STOX2: variants seen among roughly 807,000 people sequenced by gnomAD.
The protein encoded by STOX2 is storkhead-box protein 2.
Under a neutral mutation model 60.9 loss-of-function variants are expected in STOX2, and 28 were observed. The observed-to-expected ratio is 0.46, with a 90% CI of 0.34 to 0.63. STOX2 has a LOEUF of 0.63. Ranked by LOEUF, STOX2 falls within the 30% of genes least tolerant of loss-of-function variation. STOX2 has a pLI of 0.01. For synonymous variants in STOX2, 472 were observed against 463.9 expected (o/e 1.02, Z -0.22); for missense variants, 1,024 against 1,187.7 (o/e 0.86, Z 2.03).
At chr4:184,002,458 C>T (rs959568456) in intron 2 of STOX2, among the ~76,000 whole-genome samples, 1 of 152,210 alleles carries the variant, frequency 6.6e-6, no homozygotes, top group Non-Finnish European at 1.5e-5. Flanking sequence ...AACTACAGAA[C>T]ATCAAAGGCC....
intron 1 of STOX2, among the ~76,000 whole-genome samples, chr4:183,843,246 C>A (rs1261603416): frequency 6.6e-6 from 1 of 151,870 alleles, no homozygotes; most frequent in Non-Finnish European, 1.5e-5. Context: ...AGCAGAATGA[C>A]TCTTTTTGGG....
At chr4:183,859,633 C>T (rs1334956747) in intron 1 of STOX2, among the ~76,000 whole-genome samples, 2 of 152,334 alleles carry the variant, frequency 1.3e-5, no homozygotes, top group East Asian at 1.9e-4. Flanking sequence ...TTTGATGAGA[C>T]AAAGCAAATG....
At chr4:183,955,456 C>G (rs1467835610) in intron 1 of STOX2, among the ~76,000 whole-genome samples, 2 of 152,226 alleles carry the variant, frequency 1.3e-5, no homozygotes, top group East Asian at 1.9e-4. Flanking sequence ...CCCAAGTACT[C>G]TAGTATCTCA....
chr4:183,970,338 A>G (rs1430225399), intron 1 of STOX2, among the ~76,000 whole-genome samples: 1 of 152,142 alleles, frequency 6.6e-6, no homozygotes, highest in African/African-American at 2.4e-5. Context: ...AGCAATATCC[A>G]TGCTGATAAT....
intron 1 of STOX2, among the ~76,000 whole-genome samples, chr4:183,976,797 G>A (rs955417513): frequency 6.6e-6 from 1 of 152,196 alleles, no homozygotes; most frequent in African/African-American, 2.4e-5. Context: ...AACAGGGCAA[G>A]GATGTTCACG....
intron 1 of STOX2, among the ~76,000 whole-genome samples, chr4:183,815,945 T>TA (rs1421736289): frequency 6.6e-6 from 1 of 152,236 alleles, no homozygotes; most frequent in Non-Finnish European, 1.5e-5. Context: ...CATGAAATGA[T>TA]AAAAAATCTT....
At chr4:183,900,012 C>T (rs1399355050) in intron 1 of STOX2, among the ~76,000 whole-genome samples, 1 of 152,094 alleles carries the variant, frequency 6.6e-6, no homozygotes, top group African/African-American at 2.4e-5. Flanking sequence ...AAACTTAAGA[C>T]CTTTAAGAAT....
chr4:183,867,257 A>T (rs1045206819), intron 1 of STOX2, among the ~76,000 whole-genome samples: 1 of 152,236 alleles, frequency 6.6e-6, no homozygotes, highest in African/African-American at 2.4e-5. Context: ...AGGAAATTTT[A>T]CTAAAATTCA....
chr4:183,876,643 G>A (rs1435627139), intron 1 of STOX2, among the ~76,000 whole-genome samples: 2 of 152,220 alleles, frequency 1.3e-5, no homozygotes, highest in East Asian at 3.9e-4. Context: ...TGCCTGCTGA[G>A]CTGTCAGTAG....
At chr4:183,813,162 T>A (rs1008940898) in intron 1 of STOX2, among the ~76,000 whole-genome samples, 1 of 152,150 alleles carries the variant, frequency 6.6e-6, no homozygotes, top group Admixed American at 6.5e-5. Context: ...GGGGGGCAGA[T>A]CACTTGAGGT....
intron 1 of STOX2, among the ~76,000 whole-genome samples, chr4:183,860,361 G>C (rs1280015853): frequency 6.7e-6 from 1 of 150,362 alleles, no homozygotes; most frequent in African/African-American, 2.4e-5. Flanking sequence ...CAGGACTTCT[G>C]GCTTTCAGTG....
At chr4:183,810,224 A>T (rs10031462) in intron 1 of STOX2, among the ~76,000 whole-genome samples, 40,829 of 152,052 alleles carry the variant, frequency 0.27, 6,352 homozygotes, top group African/African-American at 0.43. Context: ...CTGGTGTAGG[A>T]ATGAGTTGGT....
intron 1 of STOX2, among the ~76,000 whole-genome samples, chr4:183,994,137 A>G (rs1382782026): frequency 1.3e-5 from 2 of 152,246 alleles, no homozygotes; most frequent in Non-Finnish European, 2.9e-5. Context: ...GCCCAAGGGC[A>G]TTTAAGATAA....
chr4:183,888,181 C>T (rs1741126130), intron 1 of STOX2, among the ~76,000 whole-genome samples: 1 of 152,150 alleles, frequency 6.6e-6, no homozygotes, highest in African/African-American at 2.4e-5. Context: ...CCTGAGACAG[C>T]TTCATGTTTC....
chr4:183,889,899 T>A (rs914715862), intron 1 of STOX2, among the ~76,000 whole-genome samples: 1 of 152,144 alleles, frequency 6.6e-6, no homozygotes, highest in Non-Finnish European at 1.5e-5. Flanking sequence ...GATTTCATAA[T>A]TGATTGTTAA....
chr4:183,868,528 C>A (rs999103552), intron 1 of STOX2, among the ~76,000 whole-genome samples: 1 of 152,214 alleles, frequency 6.6e-6, no homozygotes, highest in Non-Finnish European at 1.5e-5. Context: ...GGTGGCAGAA[C>A]CTGCCCCAAA....
intron 1 of STOX2, among the ~76,000 whole-genome samples, chr4:183,885,369 C>T (rs1741056635): frequency 1.3e-5 from 2 of 152,194 alleles, no homozygotes; most frequent in Admixed American, 6.5e-5. Context: ...CTGATCAGTC[C>T]GAGAGCGGGA....
intron 1 of STOX2, among the ~76,000 whole-genome samples, chr4:183,868,619 G>A (rs1461004266): frequency 3.3e-5 from 5 of 152,162 alleles, no homozygotes; most frequent in Admixed American, 2.0e-4. Flanking sequence ...GATTAAGCCC[G>A]AGGAGGCATA....
chr4:183,985,009 T>G (rs1732788048), intron 1 of STOX2, among the ~76,000 whole-genome samples: 1 of 152,202 alleles, frequency 6.6e-6, no homozygotes, highest in African/African-American at 2.4e-5. Context: ...GTACTCTCGG[T>G]AGGGCAGCAA....
Sources: gnomAD v4.1 joint callset for allele counts (sites outside exome capture counted in the v4.1 genomes callset) on GRCh38, gnomAD v4.1.1 for gene constraint, MANE v1.5 for transcripts, NCBI Gene and HGNC (gene_info 2026-07-23, HGNC 2026-07-21) for gene names.